The following LATS1 variants were observed in gnomAD, a reference collection of about 807,000 sequenced individuals.
The protein encoded by LATS1 is serine/threonine-protein kinase LATS1.
Under a neutral mutation model 106.6 loss-of-function variants are expected in LATS1, and 25 were observed. That is an observed-to-expected ratio of 0.23 (90% confidence interval 0.17 to 0.33). The LOEUF (loss-of-function observed/expected upper bound fraction) is 0.33, where lower values mean the gene tolerates loss of function less well. Among genes scored for constraint, LATS1 ranks in the 10% least tolerant of loss-of-function variants. The pLI is 1.00. For synonymous variants in LATS1, 465 were observed against 455.6 expected, an observed-to-expected ratio of 1.02 and a Z score of -0.26; for missense variants, 1,040 against 1,382.6, an observed-to-expected ratio of 0.75 and a Z score of 3.93.
At chr6:149,677,203 G>A (rs1184279934) in intron 5 of LATS1, among the ~76,000 whole-genome samples, 2 of 152,252 alleles carry the variant, frequency 1.3e-5, no homozygotes, top group Non-Finnish European at 2.9e-5. Context: ...ATCAACACAG[G>A]GTGATGTAAC....
intron 4 of LATS1, among the ~76,000 whole-genome samples, chr6:149,682,578 A>G (rs1293029786): frequency 6.6e-6 from 1 of 151,264 alleles, no homozygotes; most frequent in East Asian, 1.9e-4. Context: ...TGCCCAGCTA[A>G]TTTTTTTTGG....
At chr6:149,682,831 C>A (rs756567984) in intron 4 of LATS1, 12 of 505,740 alleles carry the variant, frequency 2.4e-5, no homozygotes, top group Middle Eastern at 5.2e-4. Flanking sequence ...AAACTGTATA[C>A]CGCAAATTAT....
Position 149,683,104 on chromosome 6 carries a change from T to A in LATS1, c.1985A>T (p.Lys662Ile). 1 of 1,612,606 alleles carries A rather than the reference T, an allele frequency of 6.2e-7. No homozygotes were observed. The highest frequency in any genetic ancestry group is 8.5e-7 in the Non-Finnish European group (1 of 1,179,488). The change falls in exon 4 of 8, where the codon AAA becomes ATA. Residue 662 changes from lysine to isoleucine, a missense_variant. This residue lies in a region of LATS1 where 167 missense variants were observed against 332.1 expected (regional missense o/e 0.50). Transcript: ENST00000543571. ...CCGCATCATTTCATTCTCTAATTGT[T>A]TTTTACGATGTAGACGCTGCTGATG... ...KSHQQRLHRK[K>I]QLENEMMRVG...
chr6:149,710,309 C>T (rs1416963403), intron 1 of LATS1, among the ~76,000 whole-genome samples: 1 of 152,166 alleles, frequency 6.6e-6, no homozygotes, highest in Non-Finnish European at 1.5e-5. Flanking sequence ...CAGAGTTTGA[C>T]TCTTCGTCGA....
Position 149,683,390 on chromosome 6 carries a change from T to G in LATS1, c.1699A>C (p.Asn567His). 6.2e-7 allele frequency: 1 copy of G among 1,614,158 alleles called. No individual in the cohort carries two copies. ...GACTCGTATGGAGGAACAGATGGGT[T>G]TTGGTGCAGCAGATGTTTTGGGTAG... ...PPYPKHLLHQ[N>H]PSVPPYESIS... The change falls in exon 4 of 8, where the codon AAC becomes CAC. Residue 567 changes from asparagine to histidine, a missense_variant. Coordinates refer to ENST00000543571, the MANE Select transcript of LATS1 (RefSeq NM_004690.4).
Position 149,683,767 on chromosome 6 carries a change from G to T in LATS1, c.1322C>A (p.Ala441Asp). Residue 441 changes from alanine to aspartate, a missense_variant, in exon 4 of 8, where the codon GCC (alanine) becomes GAC (aspartate). Around this residue, in one of 7 missense-constraint regions of LATS1, gnomAD observed 624 missense variants for 714.8 expected, o/e 0.87. Transcript: ENST00000543571. ...ATGCCCACTGCTCGGGGATGACTGG[G>T]CTGGAGCAGAAGATGACTGAGGCCA... ...TNWPQSSSAP[A>D]QSSPSSGHEI... is the part of the protein sequence containing the mutation. 4 of 1,613,720 alleles carry T rather than the reference G, an allele frequency of 2.5e-6. No homozygotes were observed. The highest frequency in any genetic ancestry group is 8.5e-7 in the Non-Finnish European group (1 of 1,180,002).
intron 5 of LATS1, among the ~76,000 whole-genome samples, 153 bp from the exon 6 acceptor site, chr6:149,676,890 T>A (rs1480653903): frequency 6.6e-6 from 1 of 152,224 alleles, no homozygotes; most frequent in Admixed American, 6.5e-5. Flanking sequence ...ATGGTGTTTA[T>A]TACCAATTAG....
rs540023846 is a variant in LATS1, at chr6:149,681,262, C to T, written c.2011-805G>A. 2.6e-5 allele frequency among the ~76,000 whole-genome samples: 4 copies of T among 152,142 alleles called. No individual in the cohort carries two copies. In the South Asian group the frequency reaches 8.3e-4, roughly 32 times the overall value. The stretch of plus-strand genomic sequence containing the variant: ...GATTTAGAAGGGAGAAACATTTTGG[C>T]TAATTAATAAAGAATTAATTAAAGG... On this transcript the variant is annotated intron_variant, in intron 4 of 7. Coordinates refer to ENST00000543571, the MANE Select transcript of LATS1 (RefSeq NM_004690.4).
intron 7 of LATS1, among the ~76,000 whole-genome samples, chr6:149,674,520 C>T (rs2114753098): frequency 6.6e-6 from 1 of 152,004 alleles, no homozygotes; most frequent in South Asian, 2.1e-4. Flanking sequence ...CACAAATATG[C>T]ATTACCATGC....
Position 149,660,545 on chromosome 6 carries a change from C to G in LATS1, c.*1184G>C. On this transcript the variant is annotated 3_prime_UTR_variant, in exon 8 of 8. Coordinates refer to ENST00000543571, the MANE Select transcript of LATS1 (RefSeq NM_004690.4). The stretch of plus-strand genomic sequence containing the variant: ...ACTATGGTCAAAATGGAGCCTTTTT[C>G]CCCTTCCTAAAAGATAAGCTACATG... 4.3e-6 allele frequency: 1 copy of G among 232,902 alleles called. No homozygotes were observed. The highest frequency in any genetic ancestry group is 6.1e-5 in the East Asian group (1 of 16,480). The allele number at this position is 232,902 out of a possible 1,614,324, so 14.4% of individuals were successfully genotyped here.
chr6:149,693,556 G>A (rs1024767920), intron 3 of LATS1, among the ~76,000 whole-genome samples: 1 of 151,984 alleles, frequency 6.6e-6, no homozygotes, highest in African/African-American at 2.4e-5. Flanking sequence ...GTTGCAGTGA[G>A]CCAAGATTGC....
At chr6:149,699,586 G>A (rs2114940497) in intron 2 of LATS1, among the ~76,000 whole-genome samples, 1 of 152,160 alleles carries the variant, frequency 6.6e-6, no homozygotes, top group East Asian at 1.9e-4. Context: ...AATTTGAAAT[G>A]TGTAATTACA....
intron 7 of LATS1, among the ~76,000 whole-genome samples, chr6:149,667,383 G>A (rs1781208073): frequency 7.6e-6 from 1 of 131,342 alleles, no homozygotes; most frequent in East Asian, 2.5e-4. Context: ...AGGTTGCAGT[G>A]AGCTGAAATC....
At chr6:149,669,999 C>T (rs969890966) in intron 7 of LATS1, among the ~76,000 whole-genome samples, 10 of 151,210 alleles carry the variant, frequency 6.6e-5, no homozygotes, top group African/African-American at 2.4e-4. Flanking sequence ...CAGTGAAACC[C>T]TGTCTCTACT....
chr6:149,691,301 G>A (rs1480926499), intron 3 of LATS1, among the ~76,000 whole-genome samples: 3 of 152,106 alleles, frequency 2.0e-5, no homozygotes, highest in South Asian at 4.1e-4. Context: ...CAAGGCGGCC[G>A]CCATCTGCAA....
At chr6:149,673,409 T>C (rs1375856918) in intron 7 of LATS1, among the ~76,000 whole-genome samples, 1 of 151,820 alleles carries the variant, frequency 6.6e-6, no homozygotes, top group Non-Finnish European at 1.5e-5. Context: ...CTTTTATTTC[T>C]TTTCATTGCT....
At chr6:149,678,413 A>G (rs1234485092) in intron 5 of LATS1, among the ~76,000 whole-genome samples, 2 of 152,168 alleles carry the variant, frequency 1.3e-5, no homozygotes, top group African/African-American at 4.8e-5. Flanking sequence ...TTTTTGATCA[A>G]AAGATGGGAA....
At chr6:149,699,391 C>G (rs1783307590) in intron 2 of LATS1, among the ~76,000 whole-genome samples, 1 of 152,016 alleles carries the variant, frequency 6.6e-6, no homozygotes, top group South Asian at 2.1e-4. Context: ...CTGTGCAATC[C>G]TCCAAGTGTG....
At position 149,683,539 on chromosome 6, in the gene LATS1, G is replaced by A. The variant is rs907085470; in HGVS notation, c.1550C>T (p.Pro517Leu). The A allele has an allele frequency of 1.9e-6, 3 of 1,614,244 alleles. No homozygotes were observed. Among genetic ancestry groups the A allele is most frequent in the Non-Finnish European group, 2.5e-6 (3 of 1,180,050 alleles). Reference protein sequence around the residue: ...ELQTALAPTHPSWIPQPIQTV... With the variant: ...ELQTALAPTHLSWIPQPIQTV... ...TTGAATTGGCTGTGGTATCCAAGAAGGGTGTGTAGGTGCTAAAGCAGTCTG... is the reference window on the plus strand; with the variant it reads ...TTGAATTGGCTGTGGTATCCAAGAAAGGTGTGTAGGTGCTAAAGCAGTCTG... Residue 517 changes from proline to leucine, a missense_variant, in exon 4 of 8, where the codon CCT becomes CTT. Transcript: ENST00000543571.
Sources: gnomAD v4.1 joint callset for allele counts (sites outside exome capture counted in the v4.1 genomes callset) on GRCh38, gnomAD v4.1.1 for gene constraint, gnomAD v4.1.1 regional missense constraint, MANE v1.5 for transcripts, NCBI Gene and HGNC (gene_info 2026-07-23, HGNC 2026-07-21) for gene names.